Variants in CAMTA1 observed in about 807,000 individuals in gnomAD.
CAMTA1 encodes the protein calmodulin binding transcription activator 1.
A neutral mutation model predicts 170.9 loss-of-function variants in CAMTA1; 27 were observed. That is an observed-to-expected ratio of 0.16 (90% confidence interval 0.12 to 0.22). CAMTA1 has a LOEUF of 0.22. Ranked by LOEUF, CAMTA1 falls within the 10% of genes least tolerant of loss-of-function variation. CAMTA1 has a pLI of 1.00. For missense variants in CAMTA1, 1,619 were observed against 2,217.2 expected (o/e 0.73, Z 5.42); for synonymous variants, 833 against 891.5 (o/e 0.93, Z 1.17).
intron 5 of CAMTA1, among the ~76,000 whole-genome samples, chr1:7,386,980 G>T (rs1310682171): frequency 6.6e-6 from 1 of 152,060 alleles, no homozygotes; most frequent in African/African-American, 2.4e-5. Flanking sequence ...TCCCTCTTAT[G>T]TTCCTAACTG....
In CAMTA1 at chr1:7,105,114, G is replaced by A. The variant is rs150981030; in HGVS notation, c.302+13743G>A. On this transcript the variant is annotated intron_variant, in intron 4 of 22. Coordinates refer to ENST00000303635, the MANE Select transcript of CAMTA1 (RefSeq NM_015215.4). ...TGCAAGGATATGTATGAGTTTTGCA[G>A]TTTATTAATTTTGCATTAAATAATT... Among the ~76,000 whole-genome samples the A allele has an allele frequency of 2.1e-3, 318 of 152,260 alleles. 4 individuals carry two copies. In the East Asian group the frequency reaches 0.038, roughly 18 times the overall value.
At chr1:7,519,863 T>A (rs4908645) in intron 6 of CAMTA1, among the ~76,000 whole-genome samples, 3 of 151,442 alleles carry the variant, frequency 2.0e-5, no homozygotes, top group East Asian at 3.9e-4. Flanking sequence ...CCCCTCTATC[T>A]GCACAGCCAC....
In CAMTA1 at chr1:6,785,477, G is replaced by A; in HGVS notation, c.-54G>A. ...GCGGCGGCGGGGTGGCTGGGCCGGC[G>A]GCGGCGGCGGTACGAGGCGCGCGCT... is the stretch of plus-strand genomic sequence containing the variant. On this transcript the variant is annotated 5_prime_UTR_variant, in exon 1 of 23. Transcript: ENST00000303635. The A allele has an allele frequency of 9.9e-7, 1 of 1,012,346 alleles. No individual in the cohort carries two copies. 62.7% of individuals were successfully genotyped at this position (1,012,346 alleles called of 1,614,324 possible). A position where few individuals can be genotyped will look rare whatever the true frequency, so the allele number is the denominator to read the frequency against.
In CAMTA1 at chr1:7,547,354, A is replaced by G. The variant is rs1032361943; in HGVS notation, c.510+79453A>G. ...GGGAATATATGTATCATATGCACAC[A>G]CACACACACACACACACACACACAC... On this transcript the variant is annotated intron_variant, in intron 6 of 22. Coordinates refer to ENST00000303635, the MANE Select transcript of CAMTA1 (RefSeq NM_015215.4). The surrounding 1 kb of genome is among the most constrained non-coding windows in gnomAD (Gnocchi z 5.7). Among the ~76,000 whole-genome samples the G allele has an allele frequency of 1.4e-3, 91 of 65,108 alleles. No individual in the cohort carries two copies. Among genetic ancestry groups the G allele is most frequent in the African/African-American group, 4.3e-3 (86 of 19,962 alleles). The allele number at this position is 65,108 out of a possible 152,430, so 42.7% of individuals were successfully genotyped here.
At chr1:7,545,725 G>A (rs954219860) in intron 6 of CAMTA1, among the ~76,000 whole-genome samples, 1 of 152,004 alleles carries the variant, frequency 6.6e-6, no homozygotes, top group African/African-American at 2.4e-5. Flanking sequence ...TACCCTGGAT[G>A]TGCAGGTTTG....
chr1:7,740,166 A>G (rs1239204215), intron 16 of CAMTA1, among the ~76,000 whole-genome samples: 2 of 152,238 alleles, frequency 1.3e-5, no homozygotes, highest in Non-Finnish European at 2.9e-5. Flanking sequence ...AGGACTGCCC[A>G]GAAAAATCAA....
chr1:7,488,574 C>A (rs952937649), intron 6 of CAMTA1, among the ~76,000 whole-genome samples: 5 of 152,090 alleles, frequency 3.3e-5, no homozygotes, highest in African/African-American at 1.2e-4. Flanking sequence ...GCACATACAT[C>A]TGTACACATG....
chr1:7,684,130 G>C (rs185644209), intron 11 of CAMTA1, among the ~76,000 whole-genome samples: 2 of 152,328 alleles, frequency 1.3e-5, no homozygotes, highest in East Asian at 3.9e-4. Context: ...GCGGAGAAAT[G>C]GCCTTTAGGA....
intron 5 of CAMTA1, among the ~76,000 whole-genome samples, chr1:7,407,609 A>G (rs1267213961): frequency 6.6e-6 from 1 of 152,128 alleles, no homozygotes; most frequent in Non-Finnish European, 1.5e-5. Context: ...GGTGACTGCA[A>G]AGGTGGTCTC....
chr1:7,737,165 G>T, intron 14 of CAMTA1, 90 bp from the exon 15 acceptor site: 1 of 1,414,636 alleles, frequency 7.1e-7, no homozygotes, highest in South Asian at 1.3e-5. Context: ...TGCCAGCAAG[G>T]ACCAGTTTGT....
intron 6 of CAMTA1, among the ~76,000 whole-genome samples, chr1:7,595,425 C>T (rs2095392166): frequency 6.6e-6 from 1 of 152,230 alleles, no homozygotes; most frequent in East Asian, 1.9e-4. Flanking sequence ...CCGTCTGTAG[C>T]AAAATTAATG....
chr1:6,996,962 T>G (rs939881856), intron 3 of CAMTA1, among the ~76,000 whole-genome samples: 12 of 152,236 alleles, frequency 7.9e-5, no homozygotes, highest in Admixed American at 7.9e-4. Flanking sequence ...AAAATTTCCC[T>G]TACGATTTTT....
At chr1:6,884,641 A>ACC (rs1672665015) in intron 3 of CAMTA1, among the ~76,000 whole-genome samples, 1 of 152,144 alleles carries the variant, frequency 6.6e-6, no homozygotes, top group Non-Finnish European at 1.5e-5. Flanking sequence ...CTCAAAAATT[A>ACC]CCCTCAAAAA....
intron 9 of CAMTA1, among the ~76,000 whole-genome samples, chr1:7,669,880 C>G (rs556338404): frequency 3.9e-5 from 6 of 152,346 alleles, no homozygotes; most frequent in East Asian, 3.9e-4. Context: ...TCCAAGGTGC[C>G]GTCCACCTCG....
At chr1:6,825,775 AAAGTT>A in intron 3 of CAMTA1, among the ~76,000 whole-genome samples, 1 of 152,348 alleles carries the variant, frequency 6.6e-6, no homozygotes, top group South Asian at 2.1e-4. Context: ...TAGAATGAAA[AAAGTT>A]AATCATCTTG....
At chr1:7,689,302 G>A (rs2096285407) in intron 11 of CAMTA1, among the ~76,000 whole-genome samples, 3 of 151,536 alleles carry the variant, frequency 2.0e-5, no homozygotes, top group South Asian at 2.1e-4. Flanking sequence ...AGCCAGGCGC[G>A]GTGGCTCACA....
rs573470615 is a variant in CAMTA1 at position 7,234,045 on chromosome 1, C to T, written c.303-15446C>T. ...ACATTTGTATTAAGATTGGAGTCCT[C>T]GCTTTTCCTTCATCGCTGTTAATAC... is the stretch of plus-strand genomic sequence containing the variant. On this transcript the variant is annotated intron_variant, in intron 4 of 22. Transcript: ENST00000303635. The surrounding 1 kb of genome is among the most constrained non-coding windows in gnomAD (Gnocchi z 5.0). Among the ~76,000 whole-genome samples the T allele has an allele frequency of 1.3e-5, 2 of 152,182 alleles. No homozygotes were observed. The highest frequency in any genetic ancestry group is 2.9e-5 in the Non-Finnish European group (2 of 68,028).
chr1:7,705,540 C>T (rs1038883267), intron 11 of CAMTA1, among the ~76,000 whole-genome samples: 5 of 148,544 alleles, frequency 3.4e-5, no homozygotes, highest in Admixed American at 6.7e-5. Context: ...GGGGCGGCGT[C>T]GGGGCGCGCG....
At chr1:6,826,723 A>C (rs1398736230) in intron 3 of CAMTA1, among the ~76,000 whole-genome samples, 1 of 152,104 alleles carries the variant, frequency 6.6e-6, no homozygotes, top group Non-Finnish European at 1.5e-5. Context: ...ATTTTTTCCC[A>C]TGGACCCATG....
Sources: gnomAD v4.1 joint callset for allele counts (sites outside exome capture counted in the v4.1 genomes callset) on GRCh38, gnomAD v4.1.1 for gene constraint, Gnocchi (gnomAD v3.1) non-coding constraint, MANE v1.5 for transcripts, NCBI Gene and HGNC (gene_info 2026-07-23, HGNC 2026-07-21) for gene names.